CSGALNACT1: variants seen among roughly 807,000 people sequenced by gnomAD.
CSGALNACT1 encodes beta4GalNAcT-1.
CSGALNACT1 carries 52 observed loss-of-function variants against 51.0 expected under a neutral mutation model. The ratio of observed to expected loss-of-function variants is 1.02; its 90% CI spans 0.82 to 1.29. CSGALNACT1 has a LOEUF of 1.29. Ranked by LOEUF, CSGALNACT1 falls within the 50% of genes most tolerant of loss-of-function variation. CSGALNACT1 has a pLI of 0.00. For synonymous variants in CSGALNACT1, 341 were observed against 254.4 expected (o/e 1.34, Z -3.24); for missense variants, 935 against 679.2 (o/e 1.38, Z -4.19).
intron 4 of CSGALNACT1, among the ~76,000 whole-genome samples, chr8:19,500,659 C>T (rs147059273): frequency 1.2e-3 from 184 of 152,242 alleles, no homozygotes; most frequent in African/African-American, 4.2e-3. Flanking sequence ...TCACTATCCC[C>T]GTGAGGTGTT....
At chr8:19,493,445 G>A (rs183602518) in intron 4 of CSGALNACT1, among the ~76,000 whole-genome samples, 14 of 147,286 alleles carry the variant, frequency 9.5e-5, no homozygotes, top group Admixed American at 7.3e-4. Context: ...AGACTATTGC[G>A]TCTTCTCCAA....
rs1218117148 is a variant in CSGALNACT1, at chr8:19,666,805, AAGAAAG to A, written c.-544+15662_-544+15667del. ...AAAGAAAGAAAGAAAGAAAGAAAGA[AAGAAAG>A]AGAGAGAGAGAGAGAGAGAGAGAAA... On this transcript the variant is annotated intron_variant, in intron 1 of 9. Coordinates refer to the CSGALNACT1 transcript ENST00000332246. Among the ~76,000 whole-genome samples, 99 of 21,128 alleles carry A rather than the reference AAGAAAG, an allele frequency of 4.7e-3. 3 individuals are homozygous for A. The highest frequency in any genetic ancestry group is 0.015 in the South Asian group (9 of 584). The allele number at this position is 21,128 out of a possible 152,430, so 13.9% of individuals were successfully genotyped here.
At chr8:19,551,844 G>A (rs1588210754) in intron 3 of CSGALNACT1, among the ~76,000 whole-genome samples, 1 of 152,108 alleles carries the variant, frequency 6.6e-6, no homozygotes, top group South Asian at 2.1e-4. Flanking sequence ...ATCATGTTCA[G>A]TAGTCTTAGG....
intron 1 of CSGALNACT1, among the ~76,000 whole-genome samples, chr8:19,739,876 G>A (rs188221442): frequency 1.8e-3 from 268 of 152,248 alleles, no homozygotes; most frequent in African/African-American, 2.1e-3. Context: ...TTGTGTTACC[G>A]TTGTTCTTTC....
chr8:19,472,977 C>T (rs2153875263), intron 4 of CSGALNACT1, among the ~76,000 whole-genome samples: 2 of 152,222 alleles, frequency 1.3e-5, no homozygotes, highest in Admixed American at 1.3e-4. Context: ...ATTGTTCTTA[C>T]TATTATTATC....
rs185359189 is a variant in CSGALNACT1 at position 19,490,365 on chromosome 8, A to G, written c.634+14836T>C. On this transcript the variant is annotated intron_variant, in intron 4 of 9. Coordinates refer to ENST00000454498, the Ensembl canonical transcript of CSGALNACT1. The stretch of plus-strand genomic sequence containing the variant: ...TAAAAAAACAAAAGGCACTTTTGAC[A>G]GTAGGGTCTTTCATCAAGGGAAGGA... 1.0e-3 allele frequency among the ~76,000 whole-genome samples: 157 copies of G among 152,334 alleles called. 1 individual carries two copies. The highest frequency in any genetic ancestry group is 1.6e-3 in the Non-Finnish European group (109 of 68,024).
At chr8:19,521,228 G>C (rs1213868377) in intron 3 of CSGALNACT1, among the ~76,000 whole-genome samples, 1 of 152,122 alleles carries the variant, frequency 6.6e-6, no homozygotes, top group Non-Finnish European at 1.5e-5. Context: ...AAGCAGTGTT[G>C]ACATGAACTG....
chr8:19,539,366 T>G (rs2084537751), intron 3 of CSGALNACT1, among the ~76,000 whole-genome samples: 1 of 152,196 alleles, frequency 6.6e-6, no homozygotes. Context: ...ATTAATGTTC[T>G]TATTTATTAT....
intron 1 of CSGALNACT1, among the ~76,000 whole-genome samples, chr8:19,698,925 G>C (rs1020108707): frequency 8.5e-5 from 13 of 152,316 alleles, no homozygotes; most frequent in African/African-American, 2.9e-4. Context: ...CATAGGATTT[G>C]CATGTGACCT....
At chr8:19,599,261 A>C (rs1196627332) in intron 2 of CSGALNACT1, among the ~76,000 whole-genome samples, 1 of 151,886 alleles carries the variant, frequency 6.6e-6, no homozygotes, top group Non-Finnish European at 1.5e-5. Flanking sequence ...GGATTTGGAA[A>C]TGTGGTTCCA....
At chr8:19,726,384 T>C (rs1249005671) in intron 1 of CSGALNACT1, among the ~76,000 whole-genome samples, 1 of 152,236 alleles carries the variant, frequency 6.6e-6, no homozygotes, top group Non-Finnish European at 1.5e-5. Flanking sequence ...ATACAACTAC[T>C]GTTGTGAAAT....
At chr8:19,446,328 T>C (rs930120742) in intron 5 of CSGALNACT1, among the ~76,000 whole-genome samples, 3 of 152,074 alleles carry the variant, frequency 2.0e-5, no homozygotes, top group Non-Finnish European at 1.5e-5. Context: ...TGATAGCACT[T>C]CTCTATAAAC....
chr8:19,532,767 G>T (rs950844095), intron 3 of CSGALNACT1, among the ~76,000 whole-genome samples: 1 of 152,076 alleles, frequency 6.6e-6, no homozygotes, highest in Non-Finnish European at 1.5e-5. Context: ...TTAACCCTTG[G>T]CGAGAAGGTA....
chr8:19,736,508 C>A (rs1294264796), intron 1 of CSGALNACT1, among the ~76,000 whole-genome samples: 1 of 137,180 alleles, frequency 7.3e-6, no homozygotes, highest in African/African-American at 2.6e-5. Context: ...GTCATTAGGT[C>A]CCAAAACCAA....
At chr8:19,568,079 C>T (rs2042254184) in intron 3 of CSGALNACT1, among the ~76,000 whole-genome samples, 1 of 152,026 alleles carries the variant, frequency 6.6e-6, no homozygotes, top group Admixed American at 6.6e-5. Flanking sequence ...TTCATTCAAA[C>T]ATTGGTTTTT....
chr8:19,704,223 C>CAAAGGAG (rs2062034985), intron 1 of CSGALNACT1, among the ~76,000 whole-genome samples: 1 of 152,140 alleles, frequency 6.6e-6, no homozygotes, highest in Admixed American at 6.5e-5. Flanking sequence ...AATGTGCTGC[C>CAAAGGAG]AAAGGAGAAA....
chr8:19,463,351 C>A (rs2065967092), intron 4 of CSGALNACT1, among the ~76,000 whole-genome samples: 1 of 152,178 alleles, frequency 6.6e-6, no homozygotes, highest in African/African-American at 2.4e-5. Context: ...GCCATCCACC[C>A]ACCATACCCA....
At chr8:19,748,345 T>C (rs1412961805) in intron 1 of CSGALNACT1, among the ~76,000 whole-genome samples, 1 of 152,184 alleles carries the variant, frequency 6.6e-6, no homozygotes, top group East Asian at 1.9e-4. Context: ...AAGCACCTTA[T>C]CATAGCGACA....
intron 1 of CSGALNACT1, among the ~76,000 whole-genome samples, chr8:19,723,419 A>T (rs1249746695): frequency 6.6e-6 from 1 of 152,252 alleles, no homozygotes; most frequent in Non-Finnish European, 1.5e-5. Flanking sequence ...CTTTCACGTT[A>T]TTCAAATGCA....
Sources: gnomAD v4.1 joint callset for allele counts (sites outside exome capture counted in the v4.1 genomes callset) on GRCh38, gnomAD v4.1.1 for gene constraint, MANE v1.5 for transcripts, NCBI Gene and HGNC (gene_info 2026-07-23, HGNC 2026-07-21) for gene names.